SCAPER: variants seen among roughly 807,000 people sequenced by gnomAD.
SCAPER encodes S-phase cyclin A associated protein in the ER.
In SCAPER, 98 loss-of-function variants were observed where a neutral mutation model predicts 182.2. The ratio of observed to expected loss-of-function variants is 0.54; its 90% CI spans 0.46 to 0.64. SCAPER has a LOEUF of 0.64. Among genes scored for constraint, SCAPER ranks in the 30% least tolerant of loss-of-function variants. SCAPER has a pLI of 0.00. For synonymous variants in SCAPER, 605 were observed against 564.6 expected (o/e 1.07, Z -1.01); for missense variants, 1,432 against 1,690.0 (o/e 0.85, Z 2.68).
rs1251962409 is a variant in SCAPER, at chr15:76,600,387, A to G, written c.2711+21377T>C. Among the ~76,000 whole-genome samples the G allele has an allele frequency of 1.6e-4, 14 of 88,722 alleles. 2 individuals carry two copies. Among genetic ancestry groups the G allele is most frequent in the African/African-American group, 4.0e-4 (13 of 32,302 alleles). 58.2% of individuals were successfully genotyped at this position (88,722 alleles called of 152,430 possible). On this transcript the variant is annotated intron_variant, in intron 22 of 31. Transcript: ENST00000563290. ...TAGCATACTTGGAAAGTGTGTGTATATGTGTGTGTGTGTGTGTGTGTGTGT... is the reference window on the plus strand; with the variant it reads ...TAGCATACTTGGAAAGTGTGTGTATGTGTGTGTGTGTGTGTGTGTGTGTGT...
chr15:76,794,497 AG>A (rs1305940475), intron 8 of SCAPER, among the ~76,000 whole-genome samples: 1 of 133,804 alleles, frequency 7.5e-6, no homozygotes, highest in Non-Finnish European at 1.6e-5. Flanking sequence ...CAACTTACTG[AG>A]AAAAAAATGA....
chr15:76,764,792 G>A (rs576276076), intron 14 of SCAPER, among the ~76,000 whole-genome samples, 169 bp downstream of exon 14: 1 of 152,062 alleles, frequency 6.6e-6, no homozygotes, highest in Non-Finnish European at 1.5e-5. Context: ...TGAAAATGAC[G>A]ATTTTTTAAT....
chr15:76,615,486 CACACAG>C (rs1404824290), intron 22 of SCAPER, among the ~76,000 whole-genome samples: 5 of 94,138 alleles, frequency 5.3e-5, no homozygotes, highest in South Asian at 4.6e-4. Flanking sequence ...CATACACACA[CACACAG>C]ACACACACAC....
At chr15:76,516,788 G>A (rs1179440573) in intron 23 of SCAPER, among the ~76,000 whole-genome samples, 1 of 152,184 alleles carries the variant, frequency 6.6e-6, no homozygotes, top group Admixed American at 6.5e-5. Flanking sequence ...GAGGGGGAAA[G>A]CAATTCTTGG....
chr15:76,582,163 A>C (rs968848512), intron 22 of SCAPER, among the ~76,000 whole-genome samples: 11 of 152,218 alleles, frequency 7.2e-5, no homozygotes, highest in African/African-American at 2.7e-4. Context: ...ATAAAAAGTC[A>C]AATTATCCTT....
intron 26 of SCAPER, among the ~76,000 whole-genome samples, chr15:76,407,664 T>C (rs751149046): frequency 7.9e-5 from 12 of 152,178 alleles, no homozygotes; most frequent in Non-Finnish European, 1.6e-4. Flanking sequence ...ACAATCACAG[T>C]TTGATAATTT....
Position 76,394,262 on chromosome 15 carries a change from GCAA to G in SCAPER, c.3467+10259_3467+10261del, listed in dbSNP as rs1178702117. ...CTTGGTATAAGGAGAGATGGTTTAAGCAACAACAACTCAAGCTCCCCTTAGTTA... is the reference window on the plus strand; with the variant it reads ...CTTGGTATAAGGAGAGATGGTTTAAGCAACAACTCAAGCTCCCCTTAGTTA... On this transcript the variant is annotated intron_variant, in intron 27 of 31. Transcript: ENST00000563290. Among the ~76,000 whole-genome samples, 18 of 152,166 alleles carry G rather than the reference GCAA, an allele frequency of 1.2e-4. 1 individual carries two copies. The highest frequency in any genetic ancestry group is 3.2e-3 in the Middle Eastern group (1 of 316).
chr15:76,380,729 C>T (rs1403787187), intron 28 of SCAPER: 2 of 151,700 alleles, frequency 1.3e-5, no homozygotes, highest in African/African-American at 4.8e-5. Flanking sequence ...AAATTTCCTA[C>T]ATGAAAAAAA....
intron 15 of SCAPER, among the ~76,000 whole-genome samples, chr15:76,751,728 C>T (rs935696445): frequency 2.6e-5 from 4 of 151,438 alleles, no homozygotes. Context: ...GAAATTAACT[C>T]GAAATGGATC....
At chr15:76,387,670 C>A (rs1158301788) in intron 27 of SCAPER, among the ~76,000 whole-genome samples, 12 of 152,054 alleles carry the variant, frequency 7.9e-5, no homozygotes, top group Admixed American at 5.9e-4. Context: ...AAGAAGGAAA[C>A]CAGGAGAGTA....
At chr15:76,518,170 T>G (rs1349328845) in intron 23 of SCAPER, among the ~76,000 whole-genome samples, 1 of 152,050 alleles carries the variant, frequency 6.6e-6, no homozygotes, top group African/African-American at 2.4e-5. Flanking sequence ...AGACTCCAGG[T>G]GGCCCAAGAT....
At chr15:76,665,323 C>T (rs965679053) in intron 21 of SCAPER, among the ~76,000 whole-genome samples, 1 of 152,180 alleles carries the variant, frequency 6.6e-6, no homozygotes, top group Admixed American at 6.5e-5. Context: ...TTCTTTGATA[C>T]TTCATTTAAA....
At chr15:76,477,378 C>T (rs283798) in intron 24 of SCAPER, among the ~76,000 whole-genome samples, 147,912 of 152,262 alleles carry the variant, frequency 0.97, 71,981 homozygotes, top group South Asian at 1. Flanking sequence ...TCTTATATGA[C>T]TGAGAATTCT....
chr15:76,586,237 G>C (rs2145589829), intron 22 of SCAPER, among the ~76,000 whole-genome samples: 2 of 152,212 alleles, frequency 1.3e-5, no homozygotes, highest in East Asian at 3.9e-4. Context: ...TGTAAAAAAA[G>C]ATACTTGGTC....
chr15:76,823,636 C>T (rs554355584), intron 5 of SCAPER, among the ~76,000 whole-genome samples: 4 of 152,026 alleles, frequency 2.6e-5, no homozygotes, highest in Non-Finnish European at 4.4e-5. Context: ...ATAAAAGTTA[C>T]ATTCTACTTT....
chr15:76,474,461 T>A (rs2050459792), intron 24 of SCAPER, among the ~76,000 whole-genome samples: 1 of 152,210 alleles, frequency 6.6e-6, no homozygotes, highest in South Asian at 2.1e-4. Flanking sequence ...TAGAATATAC[T>A]GGTTAAGACT....
At chr15:76,477,705 C>T (rs990706844) in intron 24 of SCAPER, among the ~76,000 whole-genome samples, 2 of 151,962 alleles carry the variant, frequency 1.3e-5, no homozygotes, top group Admixed American at 6.6e-5. Context: ...TAAATAAAAC[C>T]GGTATTTTAA....
intron 22 of SCAPER, among the ~76,000 whole-genome samples, chr15:76,575,670 C>T (rs958364889): frequency 1.3e-5 from 2 of 152,168 alleles, no homozygotes; most frequent in Admixed American, 6.5e-5. Context: ...ATGCTTCCTC[C>T]ACTCCCACAT....
chr15:76,731,298 T>G (rs553543820), intron 16 of SCAPER, among the ~76,000 whole-genome samples: 1 of 152,308 alleles, frequency 6.6e-6, no homozygotes, highest in East Asian at 1.9e-4. Flanking sequence ...GAAAGGATTC[T>G]GTAGCTCCTC....
Sources: allele counts gnomAD v4.1 joint callset (sites outside exome capture counted in the v4.1 genomes callset), GRCh38; gene constraint gnomAD v4.1.1; transcripts MANE v1.5; gene names NCBI Gene and HGNC (gene_info 2026-07-23, HGNC 2026-07-21).